The following OPRM1 variants were observed in gnomAD, a reference collection of about 807,000 sequenced individuals.
OPRM1 encodes opioid receptor mu 1.
In OPRM1, 27 loss-of-function variants were observed where a neutral mutation model predicts 31.8. The ratio of observed to expected loss-of-function variants is 0.85; its 90% CI spans 0.63 to 1.17. OPRM1 has a LOEUF of 1.17. Among genes scored for constraint, OPRM1 ranks in the 50% most tolerant of loss-of-function variants. The probability of loss-of-function intolerance (pLI) is 0.00; values close to 1 mark genes in which losing one functional copy is unlikely to be tolerated. For missense variants in OPRM1, 536 were observed against 511.1 expected (o/e 1.05, Z -0.47); for synonymous variants, 196 against 189.9 (o/e 1.03, Z -0.26).
rs779654564 is a variant in OPRM1, at chr6:154,085,888, C to CTTTTTT, written c.291-3926_291-3921dup. Among the ~76,000 whole-genome samples the CTTTTTT allele has an allele frequency of 5.2e-4, 64 of 123,940 alleles. 3 individuals are homozygous for CTTTTTT. Among genetic ancestry groups the CTTTTTT allele is most frequent in the African/African-American group, 2.0e-3 (62 of 30,384 alleles). The allele number at this position is 123,940 out of a possible 152,430, so 81.3% of individuals were successfully genotyped here. Reference sequence around the variant, plus strand: ...CATCAGAACAGAATGAAAGCTTGCCCTTTTTTTTTTTTTTTTTGAGACAGT... The same window carrying CTTTTTT: ...CATCAGAACAGAATGAAAGCTTGCCCTTTTTTTTTTTTTTTTTTTTTTTGAGACAGT... On this transcript the variant is annotated intron_variant, in intron 1 of 3. Coordinates refer to ENST00000330432, the MANE Select transcript of OPRM1 (RefSeq NM_000914.5).
Position 154,025,427 on chromosome 6 carries a change from G to C in OPRM1, c.1-13734G>C, listed in dbSNP as rs117730966. Reference sequence around the variant, plus strand: ...GTGTATATGTATCTTTATAGGTAAAGTGTGTTTATTTTAGGCAACAGATCA... The same window carrying C: ...GTGTATATGTATCTTTATAGGTAAACTGTGTTTATTTTAGGCAACAGATCA... On this transcript the variant is annotated intron_variant, in intron 1 of 5. Coordinates refer to the OPRM1 transcript ENST00000434900. 5.1e-3 allele frequency among the ~76,000 whole-genome samples: 779 copies of C among 151,992 alleles called. 6 individuals carry two copies. Among genetic ancestry groups the C allele is most frequent in the Non-Finnish European group, 6.7e-3 (458 of 67,868 alleles).
In OPRM1 at chr6:154,189,000, A is replaced by G. The variant is rs112177742; in HGVS notation, c.1165-57693A>G. Among the ~76,000 whole-genome samples, 832 of 152,340 alleles carry G rather than the reference A, an allele frequency of 5.5e-3. 4 individuals carry two copies. Among genetic ancestry groups the G allele is most frequent in the Non-Finnish European group, 8.3e-3 (564 of 68,028 alleles). On this transcript the variant is annotated intron_variant, in intron 3 of 3. Transcript: ENST00000337049. Reference sequence around the variant, plus strand: ...TTTAATCACTTTAAAACTGAGTTCTATTTATTAAAAGATACTACTTTACAA... The same window carrying G: ...TTTAATCACTTTAAAACTGAGTTCTGTTTATTAAAAGATACTACTTTACAA...
At chr6:154,028,438 G>A (rs543761696) in intron 1 of OPRM1, among the ~76,000 whole-genome samples, 12 of 152,270 alleles carry the variant, frequency 7.9e-5, no homozygotes, top group Admixed American at 1.3e-4. Context: ...GTGCAGCCTG[G>A]GGCTAGGGGA....
At position 154,180,386 on chromosome 6, in the gene OPRM1, C is replaced by CTA. The variant is rs58975780; in HGVS notation, c.1165-66279_1165-66278dup. 7.2e-3 allele frequency among the ~76,000 whole-genome samples: 634 copies of CTA among 88,212 alleles called. 4 individuals carry two copies. The highest frequency in any genetic ancestry group is 0.056 in the Middle Eastern group (9 of 162). 57.9% of individuals were successfully genotyped at this position (88,212 alleles called of 152,430 possible). Reference sequence around the variant, plus strand: ...TACTGAGCTAGTTTAACAACAACAACTATATATATATATATATATATATAT... The same window carrying CTA: ...TACTGAGCTAGTTTAACAACAACAACTATATATATATATATATATATATATAT... On this transcript the variant is annotated intron_variant, in intron 3 of 3. Coordinates refer to the OPRM1 transcript ENST00000337049.
chr6:154,215,193 T>C (rs998518202), intron 3 of OPRM1, among the ~76,000 whole-genome samples: 1 of 152,200 alleles, frequency 6.6e-6, no homozygotes, highest in Non-Finnish European at 1.5e-5. Context: ...ATACTACACT[T>C]GCACTAAGCC....
intron 1 of OPRM1, among the ~76,000 whole-genome samples, chr6:154,068,906 T>C (rs1786045263): frequency 6.6e-6 from 1 of 152,202 alleles, no homozygotes; most frequent in Non-Finnish European, 1.5e-5. Context: ...TTCCAACAGG[T>C]ACAAGCTGAT....
chr6:154,140,810 G>A (rs1311277329), intron 3 of OPRM1, among the ~76,000 whole-genome samples: 1 of 152,144 alleles, frequency 6.6e-6, no homozygotes, highest in Non-Finnish European at 1.5e-5. Flanking sequence ...CAAACTTCCT[G>A]CAGACTGCAT....
intron 3 of OPRM1, chr6:154,159,666 T>C (rs1798855299): frequency 1.6e-6 from 1 of 634,792 alleles, no homozygotes; most frequent in African/African-American, 1.8e-5. Context: ...GGAGCCCTGG[T>C]GTATTCGGTG....
rs1047083281 is a variant in OPRM1 at position 154,110,981 on chromosome 6, G to A, written c.1165-7702G>A. Reference sequence around the variant, plus strand: ...GACTCCAGGGCCAGCTTCTGTTAGTGGACAATAAATGTAATGACCAACGCT... The same window carrying A: ...GACTCCAGGGCCAGCTTCTGTTAGTAGACAATAAATGTAATGACCAACGCT... On this transcript the variant is annotated intron_variant, in intron 3 of 3. Transcript: ENST00000330432. Among the ~76,000 whole-genome samples, 65 of 151,432 alleles carry A rather than the reference G, an allele frequency of 4.3e-4. 1 individual carries two copies. Among genetic ancestry groups the A allele is most frequent in the Middle Eastern group, 7.0e-3 (2 of 286 alleles).
chr6:154,084,499 T>G (rs1297132492), intron 1 of OPRM1, among the ~76,000 whole-genome samples: 2 of 152,054 alleles, frequency 1.3e-5, no homozygotes, highest in African/African-American at 4.8e-5. Context: ...ATGGATCAAT[T>G]AACTCAGGTA....
chr6:154,214,871 T>C (rs1778258079), intron 3 of OPRM1, among the ~76,000 whole-genome samples: 1 of 152,180 alleles, frequency 6.6e-6, no homozygotes, highest in South Asian at 2.1e-4. Flanking sequence ...GAATTCCAAT[T>C]AAACATCAAT....
chr6:154,098,972 A>G (rs918249753), intron 3 of OPRM1, among the ~76,000 whole-genome samples: 2 of 152,088 alleles, frequency 1.3e-5, no homozygotes, highest in Admixed American at 6.6e-5. Flanking sequence ...GGAACTTTTC[A>G]TGATGAAGAA....
At chr6:154,022,122 T>C (rs183023285) in intron 1 of OPRM1, among the ~76,000 whole-genome samples, 60 of 152,360 alleles carry the variant, frequency 3.9e-4, no homozygotes, top group African/African-American at 1.4e-3. Flanking sequence ...TTTTTGTACA[T>C]GTTCTTTATC....
At chr6:154,176,498 C>CA (rs530356123) in intron 3 of OPRM1, among the ~76,000 whole-genome samples, 5 of 151,598 alleles carry the variant, frequency 3.3e-5, no homozygotes, top group Non-Finnish European at 7.4e-5. Flanking sequence ...AATCAATGTG[C>CA]AAAAATCACA....
rs116247601 is a variant in OPRM1 at position 154,126,731 on chromosome 6, C to A, written c.*8010C>A. ...GGAAGGCTCAGTGACAGGTGTACAG[C>A]CTTCAGTAATGCCTCAAAGGTTCTC... On this transcript the variant is annotated 3_prime_UTR_variant, in exon 4 of 4. Transcript: ENST00000330432. Among the ~76,000 whole-genome samples the A allele has an allele frequency of 9.0e-3, 1,372 of 152,176 alleles. 23 individuals are homozygous for A. Among genetic ancestry groups the A allele is most frequent in the African/African-American group, 0.031 (1,297 of 41,488 alleles).
chr6:154,163,893 CCTTCCT>C, intron 3 of OPRM1, among the ~76,000 whole-genome samples: 1 of 152,058 alleles, frequency 6.6e-6, no homozygotes, highest in South Asian at 2.1e-4. Flanking sequence ...AGATAGGAAT[CCTTCCT>C]TCCAAAATGG....
chr6:154,124,236 A>G lies in OPRM1; in HGVS notation c.*5515A>G, dbSNP rs1413580970. On this transcript the variant is annotated 3_prime_UTR_variant, in exon 4 of 4. Coordinates refer to ENST00000330432, the MANE Select transcript of OPRM1 (RefSeq NM_000914.5). ...GAAATCATTAAAATTAAGTTTATCA[A>G]TTTTTGAAAGCATCTTCTGACTCAA... Among the ~76,000 whole-genome samples the G allele has an allele frequency of 1.3e-5, 2 of 152,174 alleles. No homozygotes were observed. The highest frequency in any genetic ancestry group is 4.8e-5 in the African/African-American group (2 of 41,436).
chr6:154,246,743 G>A (rs202118172), exon 4 of OPRM1: 22 of 1,613,712 alleles, frequency 1.4e-5, no homozygotes, highest in Non-Finnish European at 1.7e-5. Context: ...ATCCTCCTCC[G>A]ACTCATCGTG....
chr6:154,019,210 G>T (rs1412754298), intron 1 of OPRM1, among the ~76,000 whole-genome samples: 1 of 137,168 alleles, frequency 7.3e-6, no homozygotes, highest in Non-Finnish European at 1.5e-5. Context: ...CTTACTGATA[G>T]CATGCTTTTT....
Sources: allele counts gnomAD v4.1 joint callset (sites outside exome capture counted in the v4.1 genomes callset), GRCh38; gene constraint gnomAD v4.1.1; transcripts MANE v1.5; gene names NCBI Gene and HGNC (gene_info 2026-07-23, HGNC 2026-07-21).